ITGB5: variants seen among roughly 807,000 people sequenced by gnomAD.
ITGB5 encodes integrin subunit beta 5.
In ITGB5, 38 loss-of-function variants were observed where a neutral mutation model predicts 84.8. The ratio of observed to expected loss-of-function variants is 0.45; its 90% confidence interval spans 0.35 to 0.59. The LOEUF is 0.59. Ranked by LOEUF, ITGB5 falls within the 20% of genes least tolerant of loss-of-function variation. ITGB5 has a pLI of 0.01. For synonymous variants in ITGB5, 393 were observed against 414.4 expected, an observed-to-expected ratio of 0.95 and a Z score of 0.63; for missense variants, 905 against 1,034.5, an observed-to-expected ratio of 0.87 and a Z score of 1.72.
intron 1 of ITGB5, among the ~76,000 whole-genome samples, chr3:124,897,474 T>A (rs1322085397): frequency 6.6e-6 from 1 of 152,166 alleles, no homozygotes; most frequent in Non-Finnish European, 1.5e-5. Context: ...AGTTATTTGC[T>A]TATGTAATTA....
rs1209074698 is a variant in ITGB5, at chr3:124,859,251, G to A, written c.352C>T (p.Leu118Phe). 4 of 1,613,854 alleles carry A rather than the reference G, an allele frequency of 2.5e-6. No homozygotes were observed. The highest frequency in any genetic ancestry group is 3.4e-6 in the Non-Finnish European group (4 of 1,179,876). The part of the protein sequence containing the change: ...QMTPQEIAVN[L>F]RPGDKTTFQL... ...TCTGTGGGCAACTCACCGGGCCGGA[G>A]GTTCACGGCAATCTCCTGTGGTGTC... The change falls in exon 3 of 15, where the codon CTC becomes TTC. Residue 118 changes from leucine (L) to phenylalanine (F), a missense_variant. By Grantham distance (22) the Leu-to-Phe change is conservative. Around this residue, in one of 3 missense-constraint regions of ITGB5, gnomAD observed 656 missense variants for 734.7 expected, o/e 0.89. Transcript: ENST00000296181.
intron 10 of ITGB5, among the ~76,000 whole-genome samples, chr3:124,776,884 C>A (rs909089171): frequency 1.3e-5 from 2 of 151,158 alleles, no homozygotes; most frequent in Non-Finnish European, 3.0e-5. Flanking sequence ...TGCTGAAGGG[C>A]CTGGGCTTGG....
rs150699822 is a variant in ITGB5, at chr3:124,897,454, T to G, written c.-255+3812A>C. Among the ~76,000 whole-genome samples the G allele has an allele frequency of 1.9e-3, 282 of 152,250 alleles. 3 individuals are homozygous for G. The highest frequency in any genetic ancestry group is 6.5e-3 in the African/African-American group (268 of 41,548). ...TTGGTCCTTGCCTCCATTGGAAGAG[T>G]TGAGGTTGAAGTTATTTGCTTATGT... On this transcript the variant is annotated intron_variant, in intron 1 of 4. Coordinates refer to the ITGB5 transcript ENST00000608657.
rs764941570 is a variant in ITGB5 at position 124,841,515 on chromosome 3, C to T, written c.648G>A (p.Gly216=). 6 of 1,614,074 alleles carry T rather than the reference C, an allele frequency of 3.7e-6. No individual in the cohort carries two copies. The highest frequency in any genetic ancestry group is 5.1e-6 in the Non-Finnish European group (6 of 1,179,996). The part of the protein sequence containing the change: ...KLFPNCVPSF[G]FRHLLPLTDR... ...CTGTGAGAGGCAGCAGATGGCGGAACCCAAAGGAGGGGACGCAATTTGGAA... is the reference window on the plus strand; with the variant it reads ...CTGTGAGAGGCAGCAGATGGCGGAATCCAAAGGAGGGGACGCAATTTGGAA... Residue 216 remains glycine (G), a synonymous_variant, in exon 5 of 15, where the codon GGG becomes GGA. Coordinates refer to ENST00000296181, the MANE Select transcript of ITGB5 (RefSeq NM_002213.5).
chr3:124,772,090 C>T (rs577887671), intron 11 of ITGB5, among the ~76,000 whole-genome samples: 3 of 152,270 alleles, frequency 2.0e-5, no homozygotes, highest in South Asian at 2.1e-4. Context: ...TTGGGGGCAC[C>T]TCCCTCGGAT....
chr3:124,836,996 C>G (rs75113921), intron 5 of ITGB5, among the ~76,000 whole-genome samples: 3,357 of 152,256 alleles, frequency 0.022, 141 homozygotes, highest in African/African-American at 0.076. Flanking sequence ...TGGAGACAAA[C>G]AGGGAAACGC....
chr3:124,838,345 T>G (rs1308486038), intron 5 of ITGB5, among the ~76,000 whole-genome samples: 2 of 152,244 alleles, frequency 1.3e-5, no homozygotes, highest in East Asian at 3.8e-4. Context: ...GTTACCATTT[T>G]GTTCCATTTC....
chr3:124,853,277 A>G (rs2065181429), intron 3 of ITGB5, among the ~76,000 whole-genome samples: 1 of 152,230 alleles, frequency 6.6e-6, no homozygotes, highest in Non-Finnish European at 1.5e-5. Context: ...TGCACACATT[A>G]TAAATGAGCA....
rs145629229 is a variant in ITGB5, at chr3:124,762,803, C to T, written c.*820G>A. The T allele has an allele frequency of 6.8e-4, 104 of 152,358 alleles. 1 individual carries two copies. The highest frequency in any genetic ancestry group is 1.9e-3 in the African/African-American group (81 of 41,544). The allele number at this position is 152,358 out of a possible 1,614,324, so 9.4% of individuals were successfully genotyped here. On this transcript the variant is annotated 3_prime_UTR_variant, in exon 15 of 15. Transcript: ENST00000296181. ...CCCCCTTGCACAGCCCTCACTGCCC[C>T]GAGCACCTCATGCTTACTTGACAAG...
chr3:124,798,593 T>C (rs944677462), intron 9 of ITGB5, among the ~76,000 whole-genome samples: 1 of 152,082 alleles, frequency 6.6e-6, no homozygotes, highest in Non-Finnish European at 1.5e-5. Flanking sequence ...CTAATTTTTG[T>C]AGTTTTGGTA....
At chr3:124,772,634 A>AT (rs1477813197) in intron 11 of ITGB5, among the ~76,000 whole-genome samples, 1 of 152,188 alleles carries the variant, frequency 6.6e-6, no homozygotes, top group African/African-American at 2.4e-5. Context: ...CCAAGAGCAA[A>AT]TGTCACTCCT....
At chr3:124,780,784 TC>T (rs1226365660) in intron 10 of ITGB5, 1 of 123,996 alleles carries the variant, frequency 8.1e-6, no homozygotes, top group Non-Finnish European at 1.7e-5. Flanking sequence ...TGTCCCCTCC[TC>T]CTCCCTCTTC....
rs1331877119 is a variant in ITGB5, at chr3:124,859,400, G to A, written c.203C>T (p.Ala68Val). 1 of 1,613,940 alleles carries A rather than the reference G, an allele frequency of 6.2e-7. No individual in the cohort carries two copies. ...RSITSRCDLR[A>V]NLVKNGCGGE... is the part of the protein sequence containing the mutation. The stretch of plus-strand genomic sequence containing the variant: ...TCCACAGCCATTTTTGACAAGGTTT[G>A]CCCTCAGATCACACCGAGAGGTGAT... Residue 68 changes from alanine (A) to valine (V), a missense_variant, in exon 3 of 15, where the codon GCA becomes GTA. Coordinates refer to ENST00000296181, the MANE Select transcript of ITGB5 (RefSeq NM_002213.5).
intron 3 of ITGB5, chr3:124,857,309 C>T (rs923572985): frequency 1.3e-5 from 2 of 152,216 alleles, no homozygotes; most frequent in Admixed American, 6.5e-5. Context: ...CCCTCGGCCA[C>T]TGCTCTTTGA....
At chr3:124,894,582 C>T (rs958339466) in intron 1 of ITGB5, 3 of 152,218 alleles carry the variant, frequency 2.0e-5, no homozygotes, top group African/African-American at 4.8e-5. Flanking sequence ...GCCCTCTTTC[C>T]GCTGGAGCAA....
chr3:124,808,894 G>A (rs2064452427), intron 9 of ITGB5, 128 bp downstream of exon 9: 4 of 1,055,328 alleles, frequency 3.8e-6, no homozygotes, highest in African/African-American at 1.6e-5. Flanking sequence ...AGACTCCTCT[G>A]GGATGCTGAA....
chr3:124,796,292 T>C, intron 10 of ITGB5, 96 bp downstream of exon 10: 1 of 1,164,060 alleles, frequency 8.6e-7, no homozygotes. Context: ...GTAGTGACAC[T>C]TTCTACCACC....
At chr3:124,798,178 G>T (rs2064262594) in intron 9 of ITGB5, among the ~76,000 whole-genome samples, 1 of 149,470 alleles carries the variant, frequency 6.7e-6, no homozygotes, top group African/African-American at 2.5e-5. Context: ...TCAGCCTCCA[G>T]AGTAGCTGGG....
chr3:124,800,972 C>T (rs2064306578), intron 9 of ITGB5, among the ~76,000 whole-genome samples: 1 of 152,198 alleles, frequency 6.6e-6, no homozygotes, highest in Non-Finnish European at 1.5e-5. Context: ...CTCCTGGTTC[C>T]CCTGTGGAGC....
Sources: gnomAD v4.1 joint callset for allele counts (sites outside exome capture counted in the v4.1 genomes callset) on GRCh38, gnomAD v4.1.1 for gene constraint, gnomAD v4.1.1 regional missense constraint, MANE v1.5 for transcripts, NCBI Gene and HGNC (gene_info 2026-07-23, HGNC 2026-07-21) for gene names.